PAK4: variants seen among roughly 807,000 people sequenced by gnomAD.
The protein encoded by PAK4 is serine/threonine-protein kinase PAK 4.
Under a neutral mutation model 53.5 loss-of-function variants are expected in PAK4, and 49 were observed. That is an observed-to-expected ratio of 0.92 (90% CI 0.73 to 1.16). The LOEUF is 1.16. PAK4 is among the 50% of genes most tolerant of loss of function. The pLI, the probability that PAK4 is intolerant of heterozygous loss-of-function variation, is 0.00. For synonymous variants in PAK4, 376 were observed against 375.6 expected, an observed-to-expected ratio of 1.00 and a Z score of -0.01; for missense variants, 824 against 850.7, an observed-to-expected ratio of 0.97 and a Z score of 0.39.
chr19:39,142,456 G>A (rs896971270), intron 1 of PAK4, among the ~76,000 whole-genome samples: 2 of 152,146 alleles, frequency 1.3e-5, no homozygotes, highest in African/African-American at 4.8e-5. Flanking sequence ...AAAGCGAGTG[G>A]GTTGAGAAGA....
intron 1 of PAK4, among the ~76,000 whole-genome samples, chr19:39,130,050 G>A (rs113625303): frequency 6.6e-6 from 1 of 151,952 alleles, no homozygotes; most frequent in African/African-American, 2.4e-5. Flanking sequence ...GAGAGGCCAG[G>A]GCTGTGAAGG....
chr19:39,128,478 G>A (rs556710173), intron 1 of PAK4, among the ~76,000 whole-genome samples: 156 of 152,334 alleles, frequency 1.0e-3, no homozygotes, highest in African/African-American at 3.7e-3. Context: ...CAGCATCTCA[G>A]GGTTTGGCAC....
At chr19:39,169,576 G>T (rs1177227980) in exon 2 of PAK4, 2 of 1,613,472 alleles carry the variant, frequency 1.2e-6, no homozygotes, top group Non-Finnish European at 1.7e-6. Flanking sequence ...AGGAAGAAGC[G>T]GGTGGAGATC....
intron 1 of PAK4, among the ~76,000 whole-genome samples, chr19:39,136,231 A>C: frequency 7.1e-6 from 1 of 140,316 alleles, no homozygotes; most frequent in African/African-American, 2.7e-5. Flanking sequence ...CTTCTCCCCC[A>C]CTGTCCCCAC....
At chr19:39,155,486 G>A (rs1242289425) in intron 1 of PAK4, among the ~76,000 whole-genome samples, 2 of 152,096 alleles carry the variant, frequency 1.3e-5, no homozygotes, top group Non-Finnish European at 2.9e-5. Context: ...TGCCTCAAGT[G>A]GGGCCGGAGG....
intron 1 of PAK4, among the ~76,000 whole-genome samples, chr19:39,139,525 C>T (rs1171585294): frequency 6.6e-6 from 1 of 152,156 alleles, no homozygotes; most frequent in Admixed American, 6.5e-5. Flanking sequence ...TGTGCCAGGC[C>T]TGACTTCATT....
At chr19:39,177,779 C>T in exon 8 of PAK4, 1 of 1,613,482 alleles carries the variant, frequency 6.2e-7, no homozygotes, top group South Asian at 1.1e-5. Flanking sequence ...TTCGGGACAA[C>T]CTGCCACCCC....
chr19:39,131,953 C>T (rs184067369), intron 1 of PAK4, among the ~76,000 whole-genome samples: 2 of 152,240 alleles, frequency 1.3e-5, no homozygotes, highest in Admixed American at 6.5e-5. Flanking sequence ...GTGCTTAGCC[C>T]GATGCTCAGC....
intron 1 of PAK4, among the ~76,000 whole-genome samples, chr19:39,131,717 A>G (rs936382909): frequency 6.6e-6 from 1 of 151,910 alleles, no homozygotes; most frequent in Non-Finnish European, 1.5e-5. Flanking sequence ...TCCTGCCCCG[A>G]CCCTTCCCAG....
In PAK4 at chr19:39,178,833, A is replaced by C; in HGVS notation, c.*254A>C. 1.6e-5 allele frequency: 7 copies of C among 438,518 alleles called. No homozygotes were observed. The highest frequency in any genetic ancestry group is 4.2e-5 in the East Asian group (1 of 23,794). The allele number at this position is 438,518 out of a possible 1,614,324, so 27.2% of individuals were successfully genotyped here. On this transcript the variant is annotated 3_prime_UTR_variant, in exon 9 of 9. Transcript: ENST00000358301. This position sits in a 1 kb window ranked among gnomAD's most constrained non-coding sequence, Gnocchi z 4.4. ...CACCCTCTGGGACAGGCCCTCCCCC[A>C]TGTTCTTCTGTCTCCAGGAAGGGCA... is the stretch of plus-strand genomic sequence containing the variant.
Position 39,178,752 on chromosome 19 carries a change from G to A in PAK4, c.*173G>A, listed in dbSNP as rs143251867. Reference sequence around the variant, plus strand: ...ACTACTGAACTCCAGTTTTGATCTCGTGACTTTTAGAAAAACACAGGGACT... The same window carrying A: ...ACTACTGAACTCCAGTTTTGATCTCATGACTTTTAGAAAAACACAGGGACT... On this transcript the variant is annotated 3_prime_UTR_variant, in exon 9 of 9. Transcript: ENST00000358301. The surrounding 1 kb of genome is among the most constrained non-coding windows in gnomAD (Gnocchi z 4.4). 38 of 553,276 alleles carry A rather than the reference G, an allele frequency of 6.9e-5. No individual in the cohort carries two copies. The highest frequency in any genetic ancestry group is 1.1e-4 in the Non-Finnish European group (34 of 321,316). The allele number at this position is 553,276 out of a possible 1,614,324, so 34.3% of individuals were successfully genotyped here. A position where few individuals can be genotyped will look rare whatever the true frequency, so the allele number is the denominator to read the frequency against.
At position 39,175,897 on chromosome 19, in the gene PAK4, G is replaced by A. The variant is rs1310289407; in HGVS notation, c.1359+459G>A. ...GGCCCTTGACTTGAATGAAATGCTT[G>A]CAGAAGTGGATGACTCCATCCCCTC... On this transcript the variant is annotated intron_variant, in intron 6 of 8. Transcript: ENST00000358301. The surrounding 1 kb of genome is among the most constrained non-coding windows in gnomAD (Gnocchi z 4.7). 1.3e-5 allele frequency among the ~76,000 whole-genome samples: 2 copies of A among 152,216 alleles called. No individual in the cohort carries two copies. Among genetic ancestry groups the A allele is most frequent in the Non-Finnish European group, 2.9e-5 (2 of 68,032 alleles).
In PAK4 at chr19:39,143,394, G is replaced by A. The variant is rs533640380; in HGVS notation, c.-23+17475G>A. Among the ~76,000 whole-genome samples the A allele has an allele frequency of 1.8e-4, 27 of 149,862 alleles. No individual in the cohort carries two copies. In the South Asian group the frequency reaches 5.3e-3, roughly 30 times the overall value. The stretch of plus-strand genomic sequence containing the variant: ...TCACCTGAGGTCAGGAGTTCGAGAC[G>A]AGCCTGGCCAACACAGTGAAACCCC... On this transcript the variant is annotated intron_variant, in intron 1 of 8. Coordinates refer to ENST00000358301, the Ensembl canonical transcript of PAK4.
chr19:39,166,533 C>T (rs957766784), intron 1 of PAK4, among the ~76,000 whole-genome samples: 1 of 152,246 alleles, frequency 6.6e-6, no homozygotes, highest in African/African-American at 2.4e-5. Flanking sequence ...GGCTGAGTTG[C>T]TCACCCAGGG....
intron 1 of PAK4, among the ~76,000 whole-genome samples, chr19:39,162,310 G>A (rs2074297874): frequency 6.6e-6 from 1 of 150,450 alleles, no homozygotes; most frequent in Non-Finnish European, 1.5e-5. Context: ...CTAGGCTGGA[G>A]TGCAGTGGCA....
At chr19:39,159,770 GGGCACA>G (rs1370583337) in intron 1 of PAK4, among the ~76,000 whole-genome samples, 1 of 152,188 alleles carries the variant, frequency 6.6e-6, no homozygotes, top group Non-Finnish European at 1.5e-5. Context: ...CCCAGGCTAA[GGGCACA>G]GTCCATGCAG....
downstream of PAK4, chr19:39,181,738 TTTAGTTGACCAGCTGAGG>T (rs2074702545): frequency 6.6e-6 from 1 of 152,220 alleles, no homozygotes; most frequent in Non-Finnish European, 1.5e-5. Flanking sequence ...TCTGCCCACA[TTTAGTTGACCAGCTGAGG>T]CACTCCACGG....
intron 2 of PAK4, among the ~76,000 whole-genome samples, chr19:39,172,081 A>G (rs944378891): frequency 1.3e-5 from 2 of 152,130 alleles, no homozygotes; most frequent in Non-Finnish European, 2.9e-5. Flanking sequence ...GGCATTTTAG[A>G]TGATGGGAGG....
chr19:39,130,716 G>A (rs2073693420), intron 1 of PAK4, among the ~76,000 whole-genome samples: 1 of 151,880 alleles, frequency 6.6e-6, no homozygotes, highest in Admixed American at 6.6e-5. Context: ...GCTGAGCAGG[G>A]GGTGGGGTCA....
Sources: allele counts gnomAD v4.1 joint callset (sites outside exome capture counted in the v4.1 genomes callset), GRCh38; gene constraint gnomAD v4.1.1; non-coding constraint Gnocchi (gnomAD v3.1); transcripts MANE v1.5; gene names NCBI Gene and HGNC (gene_info 2026-07-23, HGNC 2026-07-21).